Variants in PCNX1 observed in about 807,000 individuals in gnomAD.
PCNX1 encodes the protein pecanex-like protein 1.
A neutral mutation model predicts 242.2 loss-of-function variants in PCNX1; 78 were observed. The observed-to-expected ratio is 0.32, with a 90% CI of 0.27 to 0.39. The LOEUF (loss-of-function observed/expected upper bound fraction) is 0.39, where lower values mean the gene tolerates loss of function less well. PCNX1 is among the 10% of genes least tolerant of loss of function. The pLI, the probability that PCNX1 is intolerant of heterozygous loss-of-function variation, is 1.00. For missense variants in PCNX1, 2,581 were observed against 2,856.5 expected (o/e 0.90, Z 2.20); for synonymous variants, 1,024 against 1,032.9 (o/e 0.99, Z 0.17).
Position 70,978,074 on chromosome 14 carries a change from CTA to C in PCNX1, c.1739_1740del (p.Tyr580CysfsTer19). 6.2e-7 allele frequency: 1 copy of C among 1,614,088 alleles called. No individual in the cohort carries two copies. Among genetic ancestry groups the C allele is most frequent in the Non-Finnish European group, 8.5e-7 (1 of 1,180,024 alleles). On this transcript the variant is annotated frameshift_variant, in exon 6 of 36. Transcript: ENST00000304743. LOFTEE classifies it high-confidence loss of function. ...GTTTTGATTCAAGCCGGCATAGGGA[CTA>C]TGTTTGCTTTCGAGGTGTTTCTGGT... is the stretch of plus-strand genomic sequence containing the variant. ...SSFDSSRHRDYVCFRGVSGTK... is the reference protein window; with the variant it reads ...SSFDSSRHRDXVCFRGVSGTK...
At chr14:70,923,638 C>CGTA (rs2056463937) in intron 1 of PCNX1, among the ~76,000 whole-genome samples, 1 of 152,204 alleles carries the variant, frequency 6.6e-6, no homozygotes, top group African/African-American at 2.4e-5. Context: ...CTCTCCCCTA[C>CGTA]CATACTAGTG....
intron 31 of PCNX1, among the ~76,000 whole-genome samples, chr14:71,102,499 C>G (rs954254509): frequency 3.3e-5 from 5 of 152,094 alleles, no homozygotes; most frequent in Non-Finnish European, 7.4e-5. Flanking sequence ...CTCCTGGCCT[C>G]AAGTGATCCA....
intron 15 of PCNX1, 111 bp from the exon 16 acceptor site, chr14:71,028,589 G>T (rs1420934835): frequency 1.6e-6 from 1 of 623,704 alleles, no homozygotes; most frequent in South Asian, 2.1e-5. Context: ...CAGATTAGTA[G>T]ATATTTAATG....
At chr14:70,961,952 A>G (rs1297898019) in intron 2 of PCNX1, among the ~76,000 whole-genome samples, 1 of 151,990 alleles carries the variant, frequency 6.6e-6, no homozygotes, top group Admixed American at 6.5e-5. Context: ...TATAATTGTA[A>G]TTAATGCCAG....
At chr14:71,026,022 G>A (rs556191079) in intron 13 of PCNX1, 95 bp from the exon 14 acceptor site, 1 of 676,268 alleles carries the variant, frequency 1.5e-6, no homozygotes, top group South Asian at 3.6e-5. Flanking sequence ...TATGGAAAAA[G>A]TTTGAATCCT....
At chr14:70,947,837 A>G (rs932469440) in intron 2 of PCNX1, among the ~76,000 whole-genome samples, 3 of 152,200 alleles carry the variant, frequency 2.0e-5, no homozygotes, top group African/African-American at 7.2e-5. Flanking sequence ...AATAAAAGAA[A>G]TATCGCTGAA....
intron 1 of PCNX1, among the ~76,000 whole-genome samples, chr14:70,909,674 A>G (rs781732131): frequency 6.8e-4 from 103 of 152,336 alleles, no homozygotes; most frequent in Middle Eastern, 3.4e-3. Context: ...AAAGAATATT[A>G]GAGCAAATGG....
Position 71,105,270 on chromosome 14 carries a change from G to A in PCNX1, c.6131G>A (p.Gly2044Asp). 1 of 1,614,048 alleles carries A rather than the reference G, an allele frequency of 6.2e-7. No homozygotes were observed. The highest frequency in any genetic ancestry group is 8.5e-7 in the Non-Finnish European group (1 of 1,179,956). The change falls in exon 33 of 36, where the codon GGT becomes GAT. Residue 2044 changes from glycine (G) to aspartate (D), a missense_variant. Coordinates refer to ENST00000304743, the MANE Select transcript of PCNX1 (RefSeq NM_014982.3). ...RKGCGAGCNSGGNIEDSDTGG... is the reference protein window; with the variant it reads ...RKGCGAGCNSDGNIEDSDTGG... ...GGTTGCGGAGCTGGATGTAACAGTG[G>A]TGGCAATATTGAAGATTCTGATACT...
chr14:71,051,791 G>T, intron 23 of PCNX1, 92 bp from the exon 24 acceptor site: 1 of 1,203,352 alleles, frequency 8.3e-7, no homozygotes, highest in South Asian at 1.5e-5. Flanking sequence ...TCTAATTGAG[G>T]TAATCTAAAT....
intron 26 of PCNX1, among the ~76,000 whole-genome samples, chr14:71,068,263 G>T (rs1221414849): frequency 6.6e-6 from 1 of 151,842 alleles, no homozygotes. Context: ...CCCAGGAGGT[G>T]GAGGGTGCTG....
At chr14:70,966,867 G>C (rs1430042621) in intron 3 of PCNX1, among the ~76,000 whole-genome samples, 1 of 152,154 alleles carries the variant, frequency 6.6e-6, no homozygotes, top group African/African-American at 2.4e-5. Flanking sequence ...TATAACTTAT[G>C]TAGCAGGTGT....
intron 23 of PCNX1, 23 bp from the exon 24 acceptor site, chr14:71,051,860 G>A: frequency 6.2e-7 from 1 of 1,607,902 alleles, no homozygotes; most frequent in Non-Finnish European, 8.5e-7. Context: ...GAATGTCAGT[G>A]TCCTTAACTA....
intron 8 of PCNX1, among the ~76,000 whole-genome samples, chr14:71,003,273 T>C (rs1266319418): frequency 6.6e-6 from 1 of 151,936 alleles, no homozygotes; most frequent in Non-Finnish European, 1.5e-5. Flanking sequence ...GTATTTTTAG[T>C]AGAGACGGGG....
chr14:70,953,927 C>T (rs1193045875), intron 2 of PCNX1, among the ~76,000 whole-genome samples: 1 of 152,096 alleles, frequency 6.6e-6, no homozygotes, highest in Non-Finnish European at 1.5e-5. Context: ...CTCAGCCTCC[C>T]AAAGTGCTGG....
rs1345208933 is a variant in PCNX1 at position 71,058,354 on chromosome 14, T to C, written c.4852+630T>C. Among the ~76,000 whole-genome samples the C allele has an allele frequency of 2.0e-5, 3 of 152,190 alleles. No individual in the cohort carries two copies. In the East Asian group the frequency reaches 5.8e-4, roughly 29 times the overall value. On this transcript the variant is annotated intron_variant, in intron 26 of 35. Transcript: ENST00000304743. ...AGCCCTCTACAATTTTATATACTGA[T>C]AAAGTTATTTCTTTACAGAAAATCA...
chr14:71,041,514 T>C (rs1157525414), intron 19 of PCNX1, among the ~76,000 whole-genome samples: 4 of 152,182 alleles, frequency 2.6e-5, no homozygotes, highest in Non-Finnish European at 5.9e-5. Flanking sequence ...CCACTAATGA[T>C]ACTCTGAATT....
chr14:71,064,347 A>C (rs1343700295), intron 26 of PCNX1, among the ~76,000 whole-genome samples: 3 of 152,176 alleles, frequency 2.0e-5, no homozygotes, highest in African/African-American at 7.2e-5. Context: ...TAGTCATGGG[A>C]TTAGAATGGT....
chr14:71,048,789 G>A (rs2060939648), intron 22 of PCNX1, among the ~76,000 whole-genome samples: 2 of 152,030 alleles, frequency 1.3e-5, no homozygotes, highest in Non-Finnish European at 2.9e-5. Context: ...ACAGAGAACA[G>A]CTTAAGCGAT....
intron 2 of PCNX1, among the ~76,000 whole-genome samples, chr14:70,956,189 T>C (rs926722055): frequency 3.9e-5 from 6 of 152,176 alleles, no homozygotes; most frequent in Admixed American, 6.5e-5. Flanking sequence ...TGGTGTTTAC[T>C]TTCGGTTTTG....
Sources: gnomAD v4.1 joint callset for allele counts (sites outside exome capture counted in the v4.1 genomes callset) on GRCh38, gnomAD v4.1.1 for gene constraint, MANE v1.5 for transcripts, NCBI Gene and HGNC (gene_info 2026-07-23, HGNC 2026-07-21) for gene names.